MGAT4C: variants seen among roughly 807,000 people sequenced by gnomAD.
MGAT4C encodes the protein alpha-1,3-mannosyl-glycoprotein 4-beta-N-acetylglucosaminyltransferase C.
MGAT4C carries 19 observed loss-of-function variants against 40.1 expected under a neutral mutation model. That is an observed-to-expected ratio of 0.47 (90% CI 0.33 to 0.70). MGAT4C has a LOEUF of 0.70. MGAT4C is among the 30% of genes least tolerant of loss of function. The pLI is 0.02. For synonymous variants in MGAT4C, 181 were observed against 187.1 expected (o/e 0.97, Z 0.27); for missense variants, 491 against 563.2 (o/e 0.87, Z 1.30).
At chr12:86,664,254 T>G (rs1411063041) in intron 2 of MGAT4C, among the ~76,000 whole-genome samples, 1 of 151,998 alleles carries the variant, frequency 6.6e-6, no homozygotes, top group Non-Finnish European at 1.5e-5. Flanking sequence ...ACTTTCTCTC[T>G]CACTCTGTCC....
chr12:86,055,060 T>C (rs56350740), intron 1 of MGAT4C, among the ~76,000 whole-genome samples: 3,665 of 152,092 alleles, frequency 0.024, 153 homozygotes, highest in African/African-American at 0.083. Flanking sequence ...TTGTGCAAAA[T>C]TGTATCCCCA....
At chr12:86,255,285 T>C (rs942287348) in intron 1 of MGAT4C, among the ~76,000 whole-genome samples, 1 of 152,122 alleles carries the variant, frequency 6.6e-6, no homozygotes, top group Non-Finnish European at 1.5e-5. Context: ...CTTTATACCA[T>C]AATAATAGAC....
intron 2 of MGAT4C, among the ~76,000 whole-genome samples, chr12:86,708,544 A>G (rs1327486418): frequency 6.6e-6 from 1 of 152,118 alleles, no homozygotes. Flanking sequence ...ATAATGGTAG[A>G]TCCACTGACA....
At chr12:85,995,729 G>A (rs553161381) in intron 2 of MGAT4C, among the ~76,000 whole-genome samples, 2 of 152,246 alleles carry the variant, frequency 1.3e-5, no homozygotes, top group East Asian at 3.9e-4. Context: ...CTAGCCTCGT[G>A]TGTTGGTATA....
At chr12:86,596,231 A>C (rs1369511293) in intron 2 of MGAT4C, among the ~76,000 whole-genome samples, 1 of 152,016 alleles carries the variant, frequency 6.6e-6, no homozygotes, top group African/African-American at 2.4e-5. Context: ...AAATAAAACA[A>C]GTACCAACTC....
intron 3 of MGAT4C, among the ~76,000 whole-genome samples, chr12:86,381,884 C>G (rs1955936680): frequency 6.6e-6 from 1 of 152,132 alleles, no homozygotes; most frequent in East Asian, 1.9e-4. Context: ...AAATGGGAGT[C>G]TCCCTGCACA....
intron 1 of MGAT4C, among the ~76,000 whole-genome samples, chr12:86,767,875 T>C (rs1342636239): frequency 2.6e-5 from 4 of 152,120 alleles, no homozygotes; most frequent in Non-Finnish European, 1.5e-5. Context: ...CTCAAAATAA[T>C]AAGAGCTATC....
chr12:86,126,415 T>C (rs1880272690), intron 1 of MGAT4C, among the ~76,000 whole-genome samples: 1 of 152,130 alleles, frequency 6.6e-6, no homozygotes, highest in African/African-American at 2.4e-5. Flanking sequence ...ACAGACTATC[T>C]TAATTACACA....
chr12:86,016,893 C>G (rs1301352084), intron 2 of MGAT4C, among the ~76,000 whole-genome samples: 2 of 151,972 alleles, frequency 1.3e-5, no homozygotes, highest in African/African-American at 4.8e-5. Flanking sequence ...TGGATTTGCT[C>G]TCTTATCAAT....
At chr12:86,663,853 C>A (rs949454164) in intron 2 of MGAT4C, among the ~76,000 whole-genome samples, 3 of 152,136 alleles carry the variant, frequency 2.0e-5, no homozygotes, top group Non-Finnish European at 2.9e-5. Context: ...ACTCAATTTG[C>A]TATTTCAAAG....
intron 2 of MGAT4C, among the ~76,000 whole-genome samples, chr12:86,608,722 A>G (rs1339793812): frequency 1.3e-5 from 2 of 151,684 alleles, no homozygotes; most frequent in Non-Finnish European, 2.9e-5. Context: ...AAAAAAAATA[A>G]CCAACTTGAT....
chr12:86,796,084 T>C (rs1439498070), intron 1 of MGAT4C, among the ~76,000 whole-genome samples: 1 of 151,790 alleles, frequency 6.6e-6, no homozygotes, highest in Non-Finnish European at 1.5e-5. Context: ...ATAATTCTGA[T>C]ATAGAGAAAA....
intron 2 of MGAT4C, among the ~76,000 whole-genome samples, chr12:86,723,082 CACA>C (rs1428749744): frequency 2.0e-5 from 3 of 152,312 alleles, no homozygotes; most frequent in East Asian, 1.9e-4. Context: ...AGCCACATCA[CACA>C]ACATTTATTC....
In MGAT4C at chr12:86,805,354, C is replaced by T. The variant is rs375820532; in HGVS notation, c.-262+33312G>A. 1.6e-4 allele frequency among the ~76,000 whole-genome samples: 25 copies of T among 151,830 alleles called. No individual in the cohort carries two copies. The East Asian group carries it at 1.8e-3, about 11-fold the overall frequency. ...CATAGTATATGATAGGTATTCAACC[C>T]CTGTTCCCTACCCTCCTTAATCCCT... On this transcript the variant is annotated intron_variant, in intron 1 of 7. Coordinates refer to the MGAT4C transcript ENST00000548651.
intron 2 of MGAT4C, among the ~76,000 whole-genome samples, chr12:86,690,127 G>A (rs1460186639): frequency 6.6e-6 from 1 of 152,092 alleles, no homozygotes; most frequent in African/African-American, 2.4e-5. Flanking sequence ...GGGGAAAACC[G>A]CCTACTGAAG....
intron 2 of MGAT4C, among the ~76,000 whole-genome samples, chr12:86,667,363 C>T (rs1018395382): frequency 6.6e-6 from 1 of 151,996 alleles, no homozygotes; most frequent in Non-Finnish European, 1.5e-5. Flanking sequence ...AACATGTAAA[C>T]GTTTCAGTTT....
chr12:86,526,350 T>C (rs374229727), intron 2 of MGAT4C, among the ~76,000 whole-genome samples: 5 of 152,044 alleles, frequency 3.3e-5, no homozygotes, highest in Admixed American at 2.6e-4. Flanking sequence ...GCAGCGTGCA[T>C]GTACACATGC....
At chr12:86,303,989 A>G (rs1195476196) in intron 4 of MGAT4C, among the ~76,000 whole-genome samples, 2 of 150,428 alleles carry the variant, frequency 1.3e-5, no homozygotes, top group African/African-American at 5.0e-5. Flanking sequence ...TAGGCATTCC[A>G]AGTAAAGCTT....
intron 3 of MGAT4C, among the ~76,000 whole-genome samples, chr12:86,399,213 G>C (rs1306415421): frequency 6.6e-6 from 1 of 152,020 alleles, no homozygotes; most frequent in African/African-American, 2.4e-5. Context: ...CTCGTGGTCT[G>C]CCTGCCTTGG....
Sources: allele counts gnomAD v4.1 joint callset (sites outside exome capture counted in the v4.1 genomes callset), GRCh38; gene constraint gnomAD v4.1.1; transcripts MANE v1.5; gene names NCBI Gene and HGNC (gene_info 2026-07-23, HGNC 2026-07-21).